NCOA7: variants seen among roughly 807,000 people sequenced by gnomAD.
The protein encoded by NCOA7 is 140 kDa estrogen receptor-associated protein.
Under a neutral mutation model 104.3 loss-of-function variants are expected in NCOA7, and 45 were observed. The observed-to-expected ratio is 0.43, with a 90% CI of 0.34 to 0.55. The LOEUF (loss-of-function observed/expected upper bound fraction) is 0.55. Among genes scored for constraint, NCOA7 ranks in the 20% least tolerant of loss-of-function variants. The pLI is 0.02. For missense variants in NCOA7, 1,041 were observed against 1,119.7 expected (o/e 0.93, Z 1.00); for synonymous variants, 398 against 402.3 (o/e 0.99, Z 0.13).
chr6:125,884,884 G>A (rs1784132718), intron 7 of NCOA7, among the ~76,000 whole-genome samples: 1 of 152,200 alleles, frequency 6.6e-6, no homozygotes, highest in Admixed American at 6.5e-5. Context: ...GTGAGAACCA[G>A]GATCACTCCA....
At chr6:125,875,489 A>G (rs1783287478) in intron 4 of NCOA7, 1 of 152,360 alleles carries the variant, frequency 6.6e-6, no homozygotes, top group African/African-American at 2.4e-5. Context: ...TCATTTGGCT[A>G]CTCAACATAT....
rs573135229 is a variant in NCOA7 at position 125,826,519 on chromosome 6, A to T, written c.50+11115A>T. On this transcript the variant is annotated intron_variant, in intron 2 of 15. Coordinates refer to ENST00000392477, the MANE Select transcript of NCOA7 (RefSeq NM_181782.5). ...TTTGGTTTTTATATTAGCCGATGCAACTAGATATTTAAGACTTCTCTCAGT... is the reference window on the plus strand; with the variant it reads ...TTTGGTTTTTATATTAGCCGATGCATCTAGATATTTAAGACTTCTCTCAGT... Among the ~76,000 whole-genome samples the T allele has an allele frequency of 5.3e-5, 8 of 152,122 alleles. No homozygotes were observed. The South Asian group carries it at 1.2e-3, about 24-fold the overall frequency.
chr6:125,791,443 A>T (rs1401304720), intron 1 of NCOA7, among the ~76,000 whole-genome samples: 1 of 152,220 alleles, frequency 6.6e-6, no homozygotes, highest in Non-Finnish European at 1.5e-5. Context: ...GGATTAGCAG[A>T]TGCGTTCTTC....
chr6:125,812,605 G>A (rs1777132675), intron 1 of NCOA7, among the ~76,000 whole-genome samples: 1 of 152,148 alleles, frequency 6.6e-6, no homozygotes, highest in Non-Finnish European at 1.5e-5. Flanking sequence ...AGCATATGCT[G>A]ATAATTTCTA....
intron 10 of NCOA7, chr6:125,913,694 G>A (rs1407400404): frequency 1.0e-6 from 1 of 974,618 alleles, no homozygotes; most frequent in Non-Finnish European, 1.2e-6. Flanking sequence ...AAGAAAATTG[G>A]TAAGTCTGTA....
chr6:125,835,334 T>C (rs1779525102), intron 2 of NCOA7, among the ~76,000 whole-genome samples: 1 of 152,210 alleles, frequency 6.6e-6, no homozygotes, highest in African/African-American at 2.4e-5. Flanking sequence ...GTCAGGAAGC[T>C]CTTTCCCCTT....
chr6:125,788,611 C>T (rs947360660), upstream of NCOA7, among the ~76,000 whole-genome samples: 4 of 151,238 alleles, frequency 2.6e-5, no homozygotes, highest in Admixed American at 2.6e-4. Context: ...TCTCCGCTCG[C>T]TGCAACCTCT....
chr6:125,908,422 C>T (rs985731390), intron 10 of NCOA7, among the ~76,000 whole-genome samples: 1 of 152,170 alleles, frequency 6.6e-6, no homozygotes, highest in African/African-American at 2.4e-5. Context: ...TGGCAAGACC[C>T]GACCACTTCT....
chr6:125,875,904 T>G (rs890455704), intron 4 of NCOA7, among the ~76,000 whole-genome samples: 1 of 152,198 alleles, frequency 6.6e-6, no homozygotes, highest in African/African-American at 2.4e-5. Flanking sequence ...AACTCCACAC[T>G]GTGTGCCATG....
At chr6:125,801,756 C>T (rs2128554047) in intron 1 of NCOA7, among the ~76,000 whole-genome samples, 1 of 152,256 alleles carries the variant, frequency 6.6e-6, no homozygotes, top group Middle Eastern at 3.4e-3. Context: ...GTGTCTCTAT[C>T]ACTACATGGC....
intron 3 of NCOA7, among the ~76,000 whole-genome samples, chr6:125,858,592 C>T (rs1382999812): frequency 6.6e-6 from 1 of 151,286 alleles, no homozygotes; most frequent in African/African-American, 2.4e-5. Context: ...ATCTACTGCA[C>T]TCCAGACTGA....
intron 12 of NCOA7, among the ~76,000 whole-genome samples, chr6:125,921,808 T>A (rs1258184414): frequency 6.6e-6 from 1 of 152,164 alleles, no homozygotes; most frequent in Non-Finnish European, 1.5e-5. Flanking sequence ...TACAGGACAA[T>A]TTTTCCTTTT....
chr6:125,922,662 C>T lies in NCOA7; in HGVS notation c.2371-20C>T. The T allele has an allele frequency of 1.9e-6, 3 of 1,607,138 alleles. No individual in the cohort carries two copies. The highest frequency in any genetic ancestry group is 2.5e-6 in the Non-Finnish European group (3 of 1,177,328). On this transcript the variant is annotated intron_variant, in intron 12 of 15. Coordinates refer to ENST00000392477, the MANE Select transcript of NCOA7 (RefSeq NM_181782.5). ...TTGTGGGTGAACCTTCTGTTTACAT[C>T]TCTTCCTTTGGCTTTGTAGCTGGCC...
intron 1 of NCOA7, among the ~76,000 whole-genome samples, chr6:125,791,678 A>C (rs1443961361): frequency 1.3e-5 from 2 of 152,126 alleles, no homozygotes; most frequent in East Asian, 3.9e-4. Flanking sequence ...AGTATTTAGG[A>C]GCCTCTGCTT....
intron 1 of NCOA7, among the ~76,000 whole-genome samples, chr6:125,808,763 T>C (rs1472975775): frequency 6.6e-6 from 1 of 152,258 alleles, no homozygotes; most frequent in African/African-American, 2.4e-5. Flanking sequence ...CCAGTGACTT[T>C]TTAGAAATCT....
At chr6:125,805,457 A>G (rs1047633365) in intron 1 of NCOA7, among the ~76,000 whole-genome samples, 1 of 152,182 alleles carries the variant, frequency 6.6e-6, no homozygotes, top group African/African-American at 2.4e-5. Flanking sequence ...TGTGAAAATT[A>G]TGTGTAGTAA....
intron 1 of NCOA7, among the ~76,000 whole-genome samples, chr6:125,806,423 G>T (rs1776459805): frequency 6.6e-6 from 1 of 152,144 alleles, no homozygotes; most frequent in Non-Finnish European, 1.5e-5. Flanking sequence ...AGAGCATATG[G>T]AAAACAGAAC....
At chr6:125,844,648 GTTC>G (rs1483090323) in intron 2 of NCOA7, among the ~76,000 whole-genome samples, 4 of 152,182 alleles carry the variant, frequency 2.6e-5, no homozygotes, top group Non-Finnish European at 4.4e-5. Context: ...AAAGAGTGAT[GTTC>G]TTCTAGAAAT....
upstream of NCOA7, among the ~76,000 whole-genome samples, chr6:125,789,863 A>T (rs1408844055): frequency 6.6e-6 from 1 of 152,204 alleles, no homozygotes; most frequent in African/African-American, 2.4e-5. Flanking sequence ...CTGTTAACAG[A>T]GTAGTTGCAG....
Sources: gnomAD v4.1 joint callset for allele counts (sites outside exome capture counted in the v4.1 genomes callset) on GRCh38, gnomAD v4.1.1 for gene constraint, MANE v1.5 for transcripts, NCBI Gene and HGNC (gene_info 2026-07-23, HGNC 2026-07-21) for gene names.